POLK: variants seen among roughly 807,000 people sequenced by gnomAD.
POLK encodes the protein polymerase (DNA directed) kappa.
Under a neutral mutation model 94.0 loss-of-function variants are expected in POLK, and 76 were observed. The ratio of observed to expected loss-of-function variants is 0.81; its 90% CI spans 0.67 to 0.98. POLK has a LOEUF of 0.98. POLK is among the 50% of genes least tolerant of loss of function. The probability of loss-of-function intolerance (pLI) is 0.00; values close to 1 mark genes in which losing one functional copy is unlikely to be tolerated. For synonymous variants in POLK, 349 were observed against 325.4 expected, an observed-to-expected ratio of 1.07 and a Z score of -0.78; for missense variants, 954 against 1,010.1, an observed-to-expected ratio of 0.94 and a Z score of 0.75.
intron 12 of POLK, among the ~76,000 whole-genome samples, chr5:75,594,569 A>G (rs1442898615): frequency 6.6e-6 from 1 of 152,264 alleles, no homozygotes. Flanking sequence ...GTGCATGTAG[A>G]GTATATTACG....
At chr5:75,581,503 T>G (rs1260139071) in intron 7 of POLK, 55 bp downstream of exon 7, 1 of 1,417,672 alleles carries the variant, frequency 7.1e-7, no homozygotes, top group Non-Finnish European at 9.9e-7. Context: ...ACTGGCTAAT[T>G]TAAGTGTAAT....
rs186644707 is a variant in POLK, at chr5:75,559,483, G to T, written c.255+6892G>T. Among the ~76,000 whole-genome samples the T allele has an allele frequency of 2.1e-5, 3 of 146,148 alleles. No individual in the cohort carries two copies. The East Asian group carries it at 6.0e-4, about 29-fold the overall frequency. ...AAATCAGTGCATTTTGACCATTTTGGCAATTTATTGATTTGGGGTTTGTTT... is the reference window on the plus strand; with the variant it reads ...AAATCAGTGCATTTTGACCATTTTGTCAATTTATTGATTTGGGGTTTGTTT... On this transcript the variant is annotated intron_variant, in intron 3 of 14. Coordinates refer to ENST00000241436, the Ensembl canonical transcript of POLK.
rs5744653 is a variant in POLK at position 75,576,392 on chromosome 5, G to A, written c.541-388G>A. Among the ~76,000 whole-genome samples the A allele has an allele frequency of 9.4e-3, 1,437 of 152,192 alleles. 56 individuals carry two copies. In the East Asian group the frequency reaches 0.11, roughly 11 times the overall value. On this transcript the variant is annotated intron_variant, in intron 5 of 14. Transcript: ENST00000241436. ...CAAAAACAATAAATCACAAAAGGCAGGAGGGAATAGAATCCTATCATTCCC... is the reference window on the plus strand; with the variant it reads ...CAAAAACAATAAATCACAAAAGGCAAGAGGGAATAGAATCCTATCATTCCC...
chr5:75,593,842 CATAA>C (rs757229723), intron 11 of POLK, 32 bp from the exon 12 acceptor site: 39 of 1,290,610 alleles, frequency 3.0e-5, no homozygotes, highest in South Asian at 4.2e-5. Context: ...GACCCTGTCT[CATAA>C]ATAAATAAAT....
chr5:75,558,954 G>A (rs1014891159), intron 3 of POLK, among the ~76,000 whole-genome samples: 2 of 152,114 alleles, frequency 1.3e-5, no homozygotes, highest in African/African-American at 2.4e-5. Flanking sequence ...ATCTTTCATT[G>A]TATAGCAGAA....
chr5:75,586,975 TAAAA>T (rs756139563), intron 9 of POLK, 47 bp from the exon 10 acceptor site: 1 of 1,348,148 alleles, frequency 7.4e-7, no homozygotes, highest in African/African-American at 1.5e-5. Flanking sequence ...CTTGGTTAAC[TAAAA>T]AAAACTCAGT....
chr5:75,597,147 TAATC>T lies in POLK; in HGVS notation c.2457_2460del (p.Gln820ProfsTer18), dbSNP rs758304339. ...TAAGAAAGGATAAATTTAACCCAGT[TAATC>T]AACCCAAAGAAAGCTCCAGAAGTAC... On this transcript the variant is annotated frameshift_variant, in exon 13 of 15. Transcript: ENST00000241436. LOFTEE classifies it high-confidence loss of function. 44 of 1,603,398 alleles carry T rather than the reference TAATC, an allele frequency of 2.7e-5. No homozygotes were observed. The highest frequency in any genetic ancestry group is 2.7e-4 in the African/African-American group (20 of 74,786).
chr5:75,524,194 T>C (rs1768724769), intron 1 of POLK, among the ~76,000 whole-genome samples: 2 of 149,348 alleles, frequency 1.3e-5, no homozygotes, highest in South Asian at 4.2e-4. Context: ...GAAGCAGGAG[T>C]AGGAGGATGT....
At chr5:75,559,507 TTTTTTGTTTTGTTTTG>T (rs1561371208) in intron 3 of POLK, among the ~76,000 whole-genome samples, 2 of 147,542 alleles carry the variant, frequency 1.4e-5, no homozygotes, top group African/African-American at 5.0e-5. Flanking sequence ...TGGGGTTTGT[TTTTTTGTTTTGTTTTG>T]TTTTTTTTTT....
At chr5:75,527,637 C>CT (rs1380878868) in intron 1 of POLK, among the ~76,000 whole-genome samples, 2 of 151,878 alleles carry the variant, frequency 1.3e-5, no homozygotes, top group Non-Finnish European at 2.9e-5. Context: ...TTACTGTTGA[C>CT]ATACCTGCTT....
At chr5:75,596,170 G>C in intron 12 of POLK, 52 bp from the exon 13 acceptor site, 1 of 996,294 alleles carries the variant, frequency 1.0e-6, no homozygotes, top group Non-Finnish European at 1.5e-6. Context: ...TATGCATTGT[G>C]AGTGAATTGG....
chr5:75,609,729 G>A, the POLK span: 2 of 151,848 alleles, frequency 1.3e-5, no homozygotes, highest in African/African-American at 4.8e-5. Context: ...ACAAACATTA[G>A]GCCCATTTCC....
At chr5:75,561,062 G>C (rs540144986) in intron 3 of POLK, among the ~76,000 whole-genome samples, 1 of 152,054 alleles carries the variant, frequency 6.6e-6, no homozygotes, top group Non-Finnish European at 1.5e-5. Flanking sequence ...TGGTATTTCT[G>C]GTTCTAGATC....
intron 1 of POLK, among the ~76,000 whole-genome samples, chr5:75,544,579 T>A (rs1487729060): frequency 6.6e-6 from 1 of 150,838 alleles, no homozygotes; most frequent in East Asian, 2.0e-4. Flanking sequence ...GAGGCGGAGG[T>A]AGCAGTAAGC....
chr5:75,605,118 TACACACACACAC>T (rs3842052), downstream of POLK, among the ~76,000 whole-genome samples: 99 of 146,842 alleles, frequency 6.7e-4, no homozygotes, highest in South Asian at 1.3e-3. Context: ...TGTATACACA[TACACACACACAC>T]ACACACACAC....
chr5:75,560,444 C>T (rs1454569904), intron 3 of POLK, among the ~76,000 whole-genome samples: 2 of 152,162 alleles, frequency 1.3e-5, no homozygotes, highest in Non-Finnish European at 2.9e-5. Context: ...AAATTGCTCC[C>T]TGTCCTGTAA....
exon 15 of POLK, chr5:75,598,886 T>C (rs973633394): frequency 5.9e-5 from 9 of 152,134 alleles, no homozygotes; most frequent in Non-Finnish European, 1.3e-4. Flanking sequence ...GACAGCTTAA[T>C]AGTAGTTAGC....
intron 3 of POLK, among the ~76,000 whole-genome samples, chr5:75,561,400 A>G (rs1351885130): frequency 6.6e-6 from 1 of 152,030 alleles, no homozygotes; most frequent in African/African-American, 2.4e-5. Flanking sequence ...TAGATTCTGG[A>G]TATTAGCTGT....
intron 3 of POLK, among the ~76,000 whole-genome samples, chr5:75,561,137 A>G (rs990387823): frequency 2.0e-4 from 30 of 152,318 alleles, no homozygotes; most frequent in African/African-American, 7.0e-4. Context: ...CCAACAGTGT[A>G]AAAGCATTCC....
Sources: allele counts gnomAD v4.1 joint callset (sites outside exome capture counted in the v4.1 genomes callset), GRCh38; gene constraint gnomAD v4.1.1; transcripts MANE v1.5; gene names NCBI Gene and HGNC (gene_info 2026-07-23, HGNC 2026-07-21).